The following DHRSX variants were observed in gnomAD, a reference collection of about 807,000 sequenced individuals.
The protein encoded by DHRSX is polyprenol dehydrogenase.
Under a neutral mutation model 34.0 loss-of-function variants are expected in DHRSX, and 31 were observed. The ratio of observed to expected loss-of-function variants is 0.91; its 90% CI spans 0.69 to 1.23. DHRSX has a LOEUF of 1.23. DHRSX is among the 50% of genes most tolerant of loss of function. DHRSX has a pLI of 0.00. For missense variants in DHRSX, 414 were observed against 428.1 expected (o/e 0.97, Z 0.29); for synonymous variants, 201 against 183.8 (o/e 1.09, Z -0.76).
At chrX:2,431,416 T>C (rs188469448) in intron 1 of DHRSX, among the ~76,000 whole-genome samples, 1 of 152,256 alleles carries the variant, frequency 6.6e-6, no homozygotes. Context: ...TCTTTGCTTT[T>C]ATGAATAGTG....
rs1300192652 is a variant in DHRSX, at chrX:2,220,945, G to A, written c.*96C>T. ...AGGACAGAGCCCTGTGGGCAGGTGG[G>A]TGTGAGAAACTCAAACACCGCAGTC... On this transcript the variant is annotated 3_prime_UTR_variant, in exon 7 of 7. Transcript: ENST00000334651. The A allele has an allele frequency of 8.3e-7, 1 of 1,209,392 alleles. No individual in the cohort carries two copies. The highest frequency in any genetic ancestry group is 1.2e-6 in the Non-Finnish European group (1 of 849,464). 74.9% of individuals were successfully genotyped at this position (1,209,392 alleles called of 1,614,324 possible).
chrX:2,229,365 A>G (rs1037104379), intron 6 of DHRSX, among the ~76,000 whole-genome samples: 6 of 152,086 alleles, frequency 3.9e-5, no homozygotes, highest in African/African-American at 1.4e-4. Flanking sequence ...AACATTCTAC[A>G]AAGGCAACAC....
intron 2 of DHRSX, among the ~76,000 whole-genome samples, chrX:2,415,060 T>G (rs994251761): frequency 1.3e-5 from 2 of 151,460 alleles, no homozygotes; most frequent in African/African-American, 2.4e-5. Context: ...CAGATCCCAT[T>G]ATAACTTAAT....
chrX:2,475,865 G>C (rs1247591224), intron 1 of DHRSX, among the ~76,000 whole-genome samples: 1 of 152,194 alleles, frequency 6.6e-6, no homozygotes, highest in Non-Finnish European at 1.5e-5. Flanking sequence ...CACAAACCCA[G>C]CTAGGAGAGC....
intron 5 of DHRSX, among the ~76,000 whole-genome samples, chrX:2,260,469 T>A (rs954240801): frequency 1.3e-5 from 2 of 151,866 alleles, no homozygotes; most frequent in African/African-American, 4.8e-5. Context: ...CATTTTTTTT[T>A]TTTTTTTGAG....
In DHRSX at chrX:2,454,700, T is replaced by C. The variant is rs760458873; in HGVS notation, c.110-29396A>G. Among the ~76,000 whole-genome samples, 180 of 152,230 alleles carry C rather than the reference T, an allele frequency of 1.2e-3. 3 individuals are homozygous for C. The highest frequency in any genetic ancestry group is 4.0e-3 in the African/African-American group (165 of 41,548). ...CCCAGAAAGGCCAACACCATTCTAA[T>C]AGAAAGCATTCACTGTTTTTATGCA... is the stretch of plus-strand genomic sequence containing the variant. On this transcript the variant is annotated intron_variant, in intron 1 of 6. Coordinates refer to ENST00000334651, the MANE Select transcript of DHRSX (RefSeq NM_145177.3).
chrX:2,350,396 G>T (rs1049744867), intron 3 of DHRSX, among the ~76,000 whole-genome samples: 1 of 152,054 alleles, frequency 6.6e-6, no homozygotes, highest in Non-Finnish European at 1.5e-5. Flanking sequence ...GGAATACCAC[G>T]CAGCCTTAAA....
At position 2,466,837 on chromosome X, in the gene DHRSX, G is replaced by A. The variant is rs6655024; in HGVS notation, c.109+33980C>T. On this transcript the variant is annotated intron_variant, in intron 1 of 6. Transcript: ENST00000334651. ...TCCCAGCCCTTTGGGAGGCCAAGGC[G>A]GGTGGATCACCTGAGGCAAGGAGTT... Among the ~76,000 whole-genome samples, 656 of 152,132 alleles carry A rather than the reference G, an allele frequency of 4.3e-3. 6 individuals are homozygous for A. Among genetic ancestry groups the A allele is most frequent in the African/African-American group, 0.015 (616 of 41,492 alleles).
At chrX:2,405,150 A>C (rs116234954) in intron 3 of DHRSX, among the ~76,000 whole-genome samples, 18,322 of 152,086 alleles carry the variant, frequency 0.12, 2,594 homozygotes, top group African/African-American at 0.34. Context: ...ATAGGCAGTG[A>C]CCAGGCTCAG....
intron 3 of DHRSX, among the ~76,000 whole-genome samples, chrX:2,330,714 G>A (rs1233361846): frequency 6.6e-6 from 1 of 150,704 alleles, no homozygotes; most frequent in Non-Finnish European, 1.5e-5. Flanking sequence ...GCAGGAGAAG[G>A]AGGGGAAGGA....
intron 3 of DHRSX, among the ~76,000 whole-genome samples, chrX:2,363,028 G>A (rs1427836838): frequency 5.1e-5 from 6 of 117,974 alleles, no homozygotes; most frequent in East Asian, 5.4e-4. Context: ...TTTTATCACC[G>A]TTCTATGGTA....
chrX:2,438,207 T>C (rs2044019739), intron 1 of DHRSX, among the ~76,000 whole-genome samples: 1 of 149,280 alleles, frequency 6.7e-6, no homozygotes, highest in Non-Finnish European at 1.5e-5. Flanking sequence ...TGAATGGTCA[T>C]TCATTTTAGG....
intron 3 of DHRSX, among the ~76,000 whole-genome samples, chrX:2,304,203 AAATGGATG>A (rs1185857900): frequency 2.0e-4 from 6 of 29,666 alleles, no homozygotes; most frequent in Admixed American, 9.9e-4. Context: ...ATGGATGGAT[AAATGGATG>A]GATGGATGGA....
intron 1 of DHRSX, chrX:2,486,578 G>A (rs1044307): frequency 0.63 from 95,464 of 152,028 alleles, 31,695 homozygotes; most frequent in African/African-American, 0.85. Flanking sequence ...GAGGAAAAGC[G>A]AAGGATTGTT....
At chrX:2,330,127 A>AAAGGAAGGAGGAGGAG (rs1556476324) in intron 3 of DHRSX, among the ~76,000 whole-genome samples, 22 of 108,468 alleles carry the variant, frequency 2.0e-4, no homozygotes, top group African/African-American at 6.5e-4. Context: ...AGAGAGACAG[A>AAAGGAAGGAGGAGGAG]GAGAAAGGAA....
rs752094045 is a variant in DHRSX at position 2,316,542 on chromosome X, ACT to A, written c.287-24941_287-24940del. Among the ~76,000 whole-genome samples, 580 of 152,106 alleles carry A rather than the reference ACT, an allele frequency of 3.8e-3. 4 individuals carry two copies. Among genetic ancestry groups the A allele is most frequent in the African/African-American group, 0.013 (555 of 41,504 alleles). ...ACTCCAGCCTGGGTGATAGAGCAAG[ACT>A]CTGCCTCAAAAACAACAACAATAAT... On this transcript the variant is annotated intron_variant, in intron 3 of 6. Coordinates refer to ENST00000334651, the MANE Select transcript of DHRSX (RefSeq NM_145177.3).
Position 2,243,077 on chromosome X carries a change from G to T in DHRSX, c.750C>A (p.His250Gln). 6.2e-7 allele frequency: 1 copy of T among 1,613,862 alleles called. No individual in the cohort carries two copies. The highest frequency in any genetic ancestry group is 1.1e-5 in the South Asian group (1 of 91,070). Residue 250 changes from histidine (H) to glutamine (Q), a missense_variant, in exon 6 of 7, where the codon CAC becomes CAA. His to Gln is a conservative substitution (Grantham distance 24). Coordinates refer to ENST00000334651, the MANE Select transcript of DHRSX (RefSeq NM_145177.3). The stretch of plus-strand genomic sequence containing the variant: ...TCGCCAGACGGGTGGCCCAGAACAC[G>T]TGCTTGTAGACGTCCGTGTTGACCA... ...PGVVNTDVYK[H>Q]VFWATRLAKK...
intron 3 of DHRSX, among the ~76,000 whole-genome samples, chrX:2,347,112 G>C (rs1276168128): frequency 2.0e-5 from 3 of 152,114 alleles, no homozygotes; most frequent in Admixed American, 6.6e-5. Flanking sequence ...TCATGCTGTA[G>C]ATAAAGACAT....
intron 3 of DHRSX, among the ~76,000 whole-genome samples, chrX:2,304,208 G>A (rs1296817079): frequency 4.9e-4 from 12 of 24,448 alleles, no homozygotes; most frequent in Non-Finnish European, 1.0e-3. Context: ...TGGATAAATG[G>A]ATGGATGGAT....
Sources: allele counts gnomAD v4.1 joint callset (sites outside exome capture counted in the v4.1 genomes callset), GRCh38; gene constraint gnomAD v4.1.1; transcripts MANE v1.5; gene names NCBI Gene and HGNC (gene_info 2026-07-23, HGNC 2026-07-21).